The following SRD5A3 variants were observed in gnomAD, a reference collection of about 807,000 sequenced individuals.
SRD5A3 encodes polyprenal reductase.
A neutral mutation model predicts 34.3 loss-of-function variants in SRD5A3; 24 were observed. That is an observed-to-expected ratio of 0.70 (90% CI 0.51 to 0.99). SRD5A3 has a LOEUF of 0.99. Ranked by LOEUF, SRD5A3 falls within the 50% of genes least tolerant of loss-of-function variation. The probability of loss-of-function intolerance (pLI) is 0.00; values close to 1 mark genes in which losing one functional copy is unlikely to be tolerated. For missense variants in SRD5A3, 350 were observed against 388.2 expected (o/e 0.90, Z 0.83); for synonymous variants, 161 against 167.3 (o/e 0.96, Z 0.29).
At chr4:55,361,805 A>T (rs1216905640) in intron 2 of SRD5A3, among the ~76,000 whole-genome samples, 2 of 152,098 alleles carry the variant, frequency 1.3e-5, no homozygotes, top group Non-Finnish European at 2.9e-5. Flanking sequence ...CTCCATCTAA[A>T]AAAAAAGAGC....
At chr4:55,367,806 G>A in intron 4 of SRD5A3, 84 bp downstream of exon 4, 1 of 1,550,380 alleles carries the variant, frequency 6.5e-7, no homozygotes, top group Non-Finnish European at 8.9e-7. Context: ...TTTCCTTCCT[G>A]CCCTAGTTAG....
intron 3 of SRD5A3, among the ~76,000 whole-genome samples, chr4:55,365,872 C>T (rs1259832005): frequency 1.3e-5 from 2 of 152,164 alleles, no homozygotes; most frequent in African/African-American, 4.8e-5. Context: ...ACATGGGCTC[C>T]AGAGTCTTGA....
intron 3 of SRD5A3, 92 bp downstream of exon 3, chr4:55,364,363 C>T: frequency 7.1e-7 from 1 of 1,413,748 alleles, no homozygotes; most frequent in Non-Finnish European, 9.9e-7. Flanking sequence ...ATGAGACATG[C>T]AGAAGTAAGA....
Position 55,370,480 on chromosome 4 carries a change from G to A in SRD5A3, c.*389G>A. On this transcript the variant is annotated 3_prime_UTR_variant, in exon 5 of 5. Coordinates refer to ENST00000264228, the MANE Select transcript of SRD5A3 (RefSeq NM_024592.5). ...ACACACACACACACACACAAAGGAA[G>A]ATCATCAATGGCTGCGGTAGCCTAG... 3.7e-6 allele frequency: 1 copy of A among 267,082 alleles called. No homozygotes were observed. The highest frequency in any genetic ancestry group is 7.0e-6 in the Non-Finnish European group (1 of 141,934). 16.5% of individuals were successfully genotyped at this position (267,082 alleles called of 1,614,324 possible).
intron 4 of SRD5A3, among the ~76,000 whole-genome samples, chr4:55,369,131 G>A (rs1025704337): frequency 7.2e-5 from 11 of 152,176 alleles, no homozygotes; most frequent in African/African-American, 2.7e-4. Context: ...ATGCCGACAT[G>A]AGATGACTAC....
intron 1 of SRD5A3, among the ~76,000 whole-genome samples, chr4:55,355,122 G>C (rs907009117): frequency 6.6e-5 from 10 of 152,164 alleles, no homozygotes; most frequent in African/African-American, 2.4e-4. Context: ...GCTCAAGCTG[G>C]GTCTTTAAAA....
chr4:55,353,888 C>A (rs1359965954), intron 1 of SRD5A3, among the ~76,000 whole-genome samples: 1 of 152,146 alleles, frequency 6.6e-6, no homozygotes, highest in East Asian at 1.9e-4. Context: ...TGCGAGAGTC[C>A]ACAGCTTCAT....
At chr4:55,352,117 C>G in intron 1 of SRD5A3, 1 of 794,910 alleles carries the variant, frequency 1.3e-6, no homozygotes, top group South Asian at 1.3e-5. Context: ...AAGGAATACA[C>G]TTGGTATACA....
intron 1 of SRD5A3, among the ~76,000 whole-genome samples, chr4:55,352,703 C>T (rs1578202250): frequency 6.6e-6 from 1 of 152,314 alleles, no homozygotes; most frequent in Non-Finnish European, 1.5e-5. Flanking sequence ...AGATGCTTAC[C>T]TTCTCTCATT....
chr4:55,354,303 G>A (rs1285182862), intron 1 of SRD5A3, among the ~76,000 whole-genome samples: 1 of 152,140 alleles, frequency 6.6e-6, no homozygotes, highest in Admixed American at 6.5e-5. Flanking sequence ...TTACCATGTT[G>A]GCCAGGCTGG....
At position 55,348,100 on chromosome 4, in the gene SRD5A3, C is replaced by G. The variant is rs75875102; in HGVS notation, c.221+1543C>G. Among the ~76,000 whole-genome samples, 444 of 152,296 alleles carry G rather than the reference C, an allele frequency of 2.9e-3. 2 individuals are homozygous for G. Among genetic ancestry groups the G allele is most frequent in the African/African-American group, 0.01 (423 of 41,560 alleles). On this transcript the variant is annotated intron_variant, in intron 1 of 4. Transcript: ENST00000264228. ...TATTACATGACAGCCAAGAAAGAGA[C>G]TTGGTACCTTTTCCTTATTCATTAC...
intron 1 of SRD5A3, among the ~76,000 whole-genome samples, chr4:55,348,610 C>T (rs963912546): frequency 6.6e-6 from 1 of 152,150 alleles, no homozygotes; most frequent in Non-Finnish European, 1.5e-5. Context: ...AAATAGTAAC[C>T]ACCATTGACT....
intron 1 of SRD5A3, among the ~76,000 whole-genome samples, chr4:55,356,228 C>T (rs560777291): frequency 6.6e-6 from 1 of 151,976 alleles, no homozygotes; most frequent in Admixed American, 6.6e-5. Context: ...AGGCTGGTTT[C>T]GAACTCCCGA....
At position 55,370,147 on chromosome 4, in the gene SRD5A3, A is replaced by C; in HGVS notation, c.*56A>C. 1 of 1,607,184 alleles carries C rather than the reference A, an allele frequency of 6.2e-7. No individual in the cohort carries two copies. Among genetic ancestry groups the C allele is most frequent in the Non-Finnish European group, 8.5e-7 (1 of 1,178,076 alleles). Reference sequence around the variant, plus strand: ...GGTGATGGTTTCAATGCCTAAGGACAGTGAAGTCTGGAGCCCAAAGTACAG... The same window carrying C: ...GGTGATGGTTTCAATGCCTAAGGACCGTGAAGTCTGGAGCCCAAAGTACAG... On this transcript the variant is annotated 3_prime_UTR_variant, in exon 5 of 5. Coordinates refer to ENST00000264228, the MANE Select transcript of SRD5A3 (RefSeq NM_024592.5).
chr4:55,364,546 A>T (rs1719805495), intron 3 of SRD5A3: 1 of 417,996 alleles, frequency 2.4e-6, no homozygotes, highest in African/African-American at 2.1e-5. Flanking sequence ...CTCTGTCTCT[A>T]CTAAAAATTA....
At chr4:55,359,618 AGGGC>A in intron 2 of SRD5A3, 130 bp downstream of exon 2, 4 of 1,217,268 alleles carry the variant, frequency 3.3e-6, no homozygotes, top group South Asian at 2.7e-5. Context: ...GTGGAGGATG[AGGGC>A]AAAAAAGAGC....
At position 55,359,469 on chromosome 4, in the gene SRD5A3, CG is replaced by C; in HGVS notation, c.349del (p.Ala117ArgfsTer15). On this transcript the variant is annotated frameshift_variant, in exon 2 of 5. Coordinates refer to ENST00000264228, the MANE Select transcript of SRD5A3 (RefSeq NM_024592.5). LOFTEE classifies it high-confidence loss of function. ...SWLHGLLRIL[G>X]AAQFQGGELA... is the part of the protein sequence containing the mutation. ...GGCTTCATGGTTTGCTCAGAATTCTCGGGGCGGCACAGTTCCAGGGTAAGGA... is the reference window on the plus strand; with the variant it reads ...GGCTTCATGGTTTGCTCAGAATTCTCGGGCGGCACAGTTCCAGGGTAAGGA... 1.2e-6 allele frequency: 2 copies of C among 1,614,022 alleles called. No individual in the cohort carries two copies. The highest frequency in any genetic ancestry group is 1.7e-6 in the Non-Finnish European group (2 of 1,180,012).
chr4:55,364,312 G>GTGTA, intron 3 of SRD5A3, 41 bp downstream of exon 3: 1 of 1,604,550 alleles, frequency 6.2e-7, no homozygotes, highest in Non-Finnish European at 8.5e-7. Context: ...CCACCCCAGG[G>GTGTA]TGTATGATGC....
rs540324650 is a variant in SRD5A3 at position 55,356,183 on chromosome 4, A to G, written c.222-3163A>G. Among the ~76,000 whole-genome samples, 16 of 151,318 alleles carry G rather than the reference A, an allele frequency of 1.1e-4. No homozygotes were observed. In the East Asian group the frequency reaches 3.1e-3, roughly 29 times the overall value. On this transcript the variant is annotated intron_variant, in intron 1 of 4. Coordinates refer to ENST00000264228, the MANE Select transcript of SRD5A3 (RefSeq NM_024592.5). ...GCCAGCATGCCTGGCTAATTTTTGT[A>G]TTTTTAGTAGAAACAGGGTTTCACC... is the stretch of plus-strand genomic sequence containing the variant.
Sources: allele counts gnomAD v4.1 joint callset (sites outside exome capture counted in the v4.1 genomes callset), GRCh38; gene constraint gnomAD v4.1.1; transcripts MANE v1.5; gene names NCBI Gene and HGNC (gene_info 2026-07-23, HGNC 2026-07-21).